Variants in SCTR observed in about 807,000 individuals in gnomAD.
SCTR encodes secretin receptor, also known as pancreatic secretin receptor.
Under a neutral mutation model 60.8 loss-of-function variants are expected in SCTR, and 56 were observed. The ratio of observed to expected loss-of-function variants is 0.92; its 90% confidence interval spans 0.74 to 1.15. The LOEUF (loss-of-function observed/expected upper bound fraction) is 1.15. Among genes scored for constraint, SCTR ranks in the 50% most tolerant of loss-of-function variants. SCTR has a pLI of 0.00. For synonymous variants in SCTR, 202 were observed against 217.0 expected (o/e 0.93, Z 0.61); for missense variants, 562 against 550.4 (o/e 1.02, Z -0.21).
At chr2:119,502,865 G>A (rs1678598546) in intron 1 of SCTR, among the ~76,000 whole-genome samples, 1 of 151,270 alleles carries the variant, frequency 6.6e-6, no homozygotes, top group Non-Finnish European at 1.5e-5. Flanking sequence ...AAAGAAGGCT[G>A]GGCATGGTGG....
At chr2:119,442,690 C>T (rs1682700043) in intron 11 of SCTR, among the ~76,000 whole-genome samples, 1 of 152,184 alleles carries the variant, frequency 6.6e-6, no homozygotes, top group Non-Finnish European at 1.5e-5. Context: ...CAGAAACACT[C>T]AGGGCATCGG....
At position 119,464,110 on chromosome 2, in the gene SCTR, C is replaced by T. The variant is rs953259433; in HGVS notation, c.636+13G>A. On this transcript the variant is annotated intron_variant, in intron 6 of 12. Coordinates refer to ENST00000019103, the MANE Select transcript of SCTR (RefSeq NM_002980.3). The stretch of plus-strand genomic sequence containing the variant: ...CGGGCCTGGCGACATCCTGGGGCAC[C>T]CAGACATATTACCCTGTGGGCATCG... 1 of 1,613,822 alleles carries T rather than the reference C, an allele frequency of 6.2e-7. No homozygotes were observed. The highest frequency in any genetic ancestry group is 1.7e-5 in the Admixed American group (1 of 60,004).
Position 119,447,761 on chromosome 2 carries a change from G to A in SCTR, c.1014-876C>T, listed in dbSNP as rs190261752. ...TAATTTTTGTATTTTTAGCAAAGAC[G>A]AGGTTTCACCATCTTGACCAGGCTG... is the stretch of plus-strand genomic sequence containing the variant. On this transcript the variant is annotated intron_variant, in intron 10 of 12. Transcript: ENST00000019103. Among the ~76,000 whole-genome samples the A allele has an allele frequency of 3.8e-4, 58 of 152,226 alleles. No individual in the cohort carries two copies. The East Asian group carries it at 9.3e-3, about 24-fold the overall frequency.
At chr2:119,459,503 A>G (rs1156520877) in intron 7 of SCTR, among the ~76,000 whole-genome samples, 1 of 152,110 alleles carries the variant, frequency 6.6e-6, no homozygotes, top group Non-Finnish European at 1.5e-5. Context: ...GTATAATTTC[A>G]AGCAGGGGCC....
Position 119,451,588 on chromosome 2 carries a change from C to T in SCTR, c.921+422G>A, listed in dbSNP as rs528301118. ...AGACCATGACCCCACTGAGCTTCCC[C>T]GATCTGCACTCCCACCCTCTTCAGT... On this transcript the variant is annotated intron_variant, in intron 9 of 12. Coordinates refer to ENST00000019103, the MANE Select transcript of SCTR (RefSeq NM_002980.3). 6.6e-5 allele frequency among the ~76,000 whole-genome samples: 10 copies of T among 152,244 alleles called. No homozygotes were observed. In the East Asian group the frequency reaches 1.6e-3, roughly 24 times the overall value.
chr2:119,500,601 C>T (rs935481223), intron 1 of SCTR, among the ~76,000 whole-genome samples: 3 of 152,052 alleles, frequency 2.0e-5, no homozygotes, highest in African/African-American at 4.8e-5. Context: ...GGTCATTATG[C>T]TAAGTGAAAT....
intron 2 of SCTR, chr2:119,479,142 G>A: frequency 7.7e-7 from 1 of 1,292,464 alleles, no homozygotes; most frequent in African/African-American, 1.5e-5. Context: ...ATAGAAGGAA[G>A]TAAGAAAGGG....
intron 3 of SCTR, among the ~76,000 whole-genome samples, chr2:119,475,637 T>TTA (rs1231900033): frequency 6.8e-5 from 10 of 146,966 alleles, no homozygotes; most frequent in East Asian, 2.0e-4. Flanking sequence ...GATATTTATA[T>TTA]TATATATATA....
intron 1 of SCTR, among the ~76,000 whole-genome samples, chr2:119,501,459 A>G (rs568175308): frequency 9.1e-4 from 138 of 152,086 alleles, no homozygotes; most frequent in African/African-American, 3.3e-3. Flanking sequence ...AATGGTGTTT[A>G]CCACCTGCTG....
intron 1 of SCTR, among the ~76,000 whole-genome samples, chr2:119,511,480 G>A (rs1010409765): frequency 1.3e-5 from 2 of 152,098 alleles, no homozygotes; most frequent in East Asian, 1.9e-4. Flanking sequence ...TGTACATTTT[G>A]TTTTTCCTGA....
rs150052011 is a variant in SCTR at position 119,503,851 on chromosome 2, G to A, written c.73-9303C>T. Among the ~76,000 whole-genome samples the A allele has an allele frequency of 1.9e-3, 282 of 152,274 alleles. 1 individual carries two copies. The highest frequency in any genetic ancestry group is 6.4e-3 in the African/African-American group (267 of 41,538). On this transcript the variant is annotated intron_variant, in intron 1 of 12. Coordinates refer to ENST00000019103, the MANE Select transcript of SCTR (RefSeq NM_002980.3). ...GCAATTGTAATAAATAAACCACATTGATGCAAGATGTTAATAGGGAAAACT... is the reference window on the plus strand; with the variant it reads ...GCAATTGTAATAAATAAACCACATTAATGCAAGATGTTAATAGGGAAAACT...
chr2:119,474,362 A>C (rs1398933355), intron 3 of SCTR, among the ~76,000 whole-genome samples: 1 of 152,174 alleles, frequency 6.6e-6, no homozygotes, highest in African/African-American at 2.4e-5. Context: ...GAGCTTTTAC[A>C]GCAGGAGCCC....
intron 7 of SCTR, among the ~76,000 whole-genome samples, chr2:119,460,649 T>C (rs1292498118): frequency 3.9e-5 from 6 of 152,196 alleles, no homozygotes; most frequent in Non-Finnish European, 8.8e-5. Flanking sequence ...ACATGTAAAG[T>C]GCTGAATCCA....
At chr2:119,485,648 C>A (rs943139052) in intron 2 of SCTR, among the ~76,000 whole-genome samples, 8 of 152,226 alleles carry the variant, frequency 5.3e-5, no homozygotes, top group African/African-American at 1.9e-4. Context: ...CCTCCATGTC[C>A]CTGGTGCTCA....
rs766778108 is a variant in SCTR at position 119,446,833 on chromosome 2, T to C, written c.1066A>G (p.Ile356Val). The change falls in exon 11 of 13, where the codon ATC becomes GTC. Residue 356 changes from isoleucine to valine, a missense_variant. By Grantham distance (29) the Ile-to-Val change is conservative (BLOSUM62 3). Coordinates refer to ENST00000019103, the MANE Select transcript of SCTR (RefSeq NM_002980.3). ...TCCTCTGGGGAGAAGGCGAAGACGATGTAGTGGATGCCAAAGAGGGGGATC... is the reference window on the plus strand; with the variant it reads ...TCCTCTGGGGAGAAGGCGAAGACGACGTAGTGGATGCCAAAGAGGGGGATC... ...LLIPLFGIHY[I>V]VFAFSPEDAM... 4.4e-6 allele frequency: 7 copies of C among 1,582,780 alleles called. No individual in the cohort carries two copies. The highest frequency in any genetic ancestry group is 2.3e-5 in the East Asian group (1 of 42,670).
rs70947298 is a variant in SCTR at position 119,512,305 on chromosome 2, T to TCTTCCC, written c.72+11844_72+11849dup. ...GTCTTCGTGATCTTCTTCCTCTTCCTCTTCCCCTTCCCCTTCCCCTTCCCC... is the reference window on the plus strand; with the variant it reads ...GTCTTCGTGATCTTCTTCCTCTTCCTCTTCCCCTTCCCCTTCCCCTTCCCCTTCCCC... On this transcript the variant is annotated intron_variant, in intron 1 of 12. Transcript: ENST00000019103. Among the ~76,000 whole-genome samples, 32 of 114,848 alleles carry TCTTCCC rather than the reference T, an allele frequency of 2.8e-4. No homozygotes were observed. The East Asian group carries it at 3.2e-3, about 11-fold the overall frequency. 75.3% of individuals were successfully genotyped at this position (114,848 alleles called of 152,430 possible).
intron 7 of SCTR, among the ~76,000 whole-genome samples, chr2:119,460,316 A>T (rs1045658489): frequency 2.6e-4 from 40 of 152,088 alleles, no homozygotes; most frequent in Non-Finnish European, 2.9e-5. Flanking sequence ...ACTCACAGGA[A>T]CCTGGCTCTC....
intron 11 of SCTR, among the ~76,000 whole-genome samples, chr2:119,446,413 C>T (rs989071033): frequency 3.9e-5 from 6 of 152,200 alleles, no homozygotes; most frequent in African/African-American, 1.4e-4. Context: ...CGAGGCTCAT[C>T]TTCCCGCCCC....
intron 1 of SCTR, among the ~76,000 whole-genome samples, chr2:119,510,108 A>G (rs1361468246): frequency 6.6e-6 from 1 of 151,756 alleles, no homozygotes; most frequent in African/African-American, 2.4e-5. Context: ...TACATTAGGA[A>G]TTTCTCCTTA....
Sources: allele counts gnomAD v4.1 joint callset (sites outside exome capture counted in the v4.1 genomes callset), GRCh38; gene constraint gnomAD v4.1.1; transcripts MANE v1.5; gene names NCBI Gene and HGNC (gene_info 2026-07-23, HGNC 2026-07-21).